The following IGF1 variants were observed in gnomAD, a reference collection of about 807,000 sequenced individuals.
IGF1 encodes insulin-like growth factor 1.
IGF1 carries 4 observed loss-of-function variants against 13.8 expected under a neutral mutation model. That is an observed-to-expected ratio of 0.29 (90% CI 0.14 to 0.66). IGF1 has a LOEUF of 0.66. IGF1 is among the 30% of genes least tolerant of loss of function. The pLI is 0.78. For missense variants in IGF1, 124 were observed against 188.5 expected (o/e 0.66, Z 2.00); for synonymous variants, 76 against 72.6 (o/e 1.05, Z -0.23).
At chr12:102,411,990 G>A (rs559018587) in intron 3 of IGF1, among the ~76,000 whole-genome samples, 24 of 152,170 alleles carry the variant, frequency 1.6e-4, no homozygotes, top group South Asian at 4.1e-4. Context: ...GGTTGTAATG[G>A]GTCAATAATT....
At chr12:102,477,590 A>T (rs936272659) in intron 1 of IGF1, among the ~76,000 whole-genome samples, 4 of 138,680 alleles carry the variant, frequency 2.9e-5, no homozygotes, top group Non-Finnish European at 4.6e-5. Flanking sequence ...CAATATTTCC[A>T]TTGGAAACCT....
chr12:102,411,171 T>C (rs1454957672), intron 3 of IGF1, among the ~76,000 whole-genome samples: 1 of 152,242 alleles, frequency 6.6e-6, no homozygotes, highest in Non-Finnish European at 1.5e-5. Context: ...GTAATTATAC[T>C]ATGCATTTAT....
intron 3 of IGF1, among the ~76,000 whole-genome samples, chr12:102,403,483 G>A (rs1873854280): frequency 6.6e-6 from 1 of 151,472 alleles, no homozygotes; most frequent in East Asian, 1.9e-4. Flanking sequence ...TTTGGACAGG[G>A]TCTCACTCTG....
chr12:102,463,735 T>C (rs1352634452), intron 2 of IGF1, among the ~76,000 whole-genome samples: 1 of 152,242 alleles, frequency 6.6e-6, no homozygotes, highest in East Asian at 1.9e-4. Context: ...ACTGTGGTTA[T>C]GAGCACTACC....
At chr12:102,468,602 A>G (rs1413707255) in intron 2 of IGF1, among the ~76,000 whole-genome samples, 1 of 152,254 alleles carries the variant, frequency 6.6e-6, no homozygotes. Flanking sequence ...ATGTATAGAT[A>G]AAGACAAACA....
intron 3 of IGF1, among the ~76,000 whole-genome samples, chr12:102,405,049 T>C (rs1241426074): frequency 6.6e-6 from 1 of 151,410 alleles, no homozygotes; most frequent in Non-Finnish European, 1.5e-5. Flanking sequence ...AAGCTAAATG[T>C]GTGTTCTTAA....
intron 1 of IGF1, among the ~76,000 whole-genome samples, chr12:102,478,276 T>C (rs1409329178): frequency 2.9e-5 from 4 of 136,578 alleles, no homozygotes; most frequent in African/African-American, 1.1e-4. Context: ...AAAGATATGA[T>C]AGAAAAAAAA....
At chr12:102,466,205 C>T (rs1399516700) in intron 2 of IGF1, among the ~76,000 whole-genome samples, 1 of 152,162 alleles carries the variant, frequency 6.6e-6, no homozygotes, top group Non-Finnish European at 1.5e-5. Context: ...ACCACAATGA[C>T]TCTTCTCATG....
Position 102,400,405 on chromosome 12 carries a change from T to C in IGF1, c.*2102A>G, listed in dbSNP as rs1488645748. On this transcript the variant is annotated 3_prime_UTR_variant, in exon 4 of 4. Coordinates refer to ENST00000337514, the MANE Select transcript of IGF1 (RefSeq NM_000618.5). The stretch of plus-strand genomic sequence containing the variant: ...GGACTAGTACACTAACCAGTGGACT[T>C]TCTTGATACCAATTTTCAGTTGAAT... 6.6e-6 allele frequency: 1 copy of C among 152,140 alleles called. No individual in the cohort carries two copies. The highest frequency in any genetic ancestry group is 1.5e-5 in the Non-Finnish European group (1 of 68,018). The allele number at this position is 152,140 out of a possible 1,614,324, so 9.4% of individuals were successfully genotyped here.
intron 2 of IGF1, among the ~76,000 whole-genome samples, chr12:102,464,190 G>C (rs1880133261): frequency 6.6e-6 from 1 of 151,924 alleles, no homozygotes; most frequent in African/African-American, 2.4e-5. Context: ...TATTGGTGAG[G>C]GTCCAGTAGC....
intron 3 of IGF1, among the ~76,000 whole-genome samples, chr12:102,410,626 T>C (rs1874557046): frequency 6.6e-6 from 1 of 152,228 alleles, no homozygotes; most frequent in Non-Finnish European, 1.5e-5. Flanking sequence ...GTAACTCCTA[T>C]TGCAGTGTTC....
At chr12:102,467,332 A>G (rs1399736096) in intron 2 of IGF1, among the ~76,000 whole-genome samples, 3 of 152,192 alleles carry the variant, frequency 2.0e-5, no homozygotes, top group African/African-American at 7.2e-5. Context: ...CTGCAAAAAA[A>G]TCAGGTGTAA....
rs188803155 is a variant in IGF1 at position 102,436,926 on chromosome 12, G to A, written c.221-17236C>T. On this transcript the variant is annotated intron_variant, in intron 2 of 3. Transcript: ENST00000337514. ...TAAATCCAACAGTGCCCAAAGGCAGGAAATCCATATTGGGAGCACTGGGAG... is the reference window on the plus strand; with the variant it reads ...TAAATCCAACAGTGCCCAAAGGCAGAAAATCCATATTGGGAGCACTGGGAG... 1.6e-4 allele frequency among the ~76,000 whole-genome samples: 24 copies of A among 152,312 alleles called. No homozygotes were observed. In the East Asian group the frequency reaches 3.5e-3, roughly 22 times the overall value.
intron 2 of IGF1, among the ~76,000 whole-genome samples, chr12:102,464,734 T>C (rs1484120266): frequency 6.6e-6 from 1 of 151,976 alleles, no homozygotes; most frequent in African/African-American, 2.4e-5. Context: ...TCAAAGCCAT[T>C]CTCAAACAAA....
intron 2 of IGF1, among the ~76,000 whole-genome samples, chr12:102,440,428 A>G (rs993029745): frequency 5.3e-5 from 8 of 152,330 alleles, no homozygotes; most frequent in South Asian, 2.1e-4. Context: ...TTCAGAGCGA[A>G]TCCAGACCCA....
In IGF1 at chr12:102,443,378, C is replaced by T. The variant is rs187741390; in HGVS notation, c.221-23688G>A. Among the ~76,000 whole-genome samples, 163 of 152,152 alleles carry T rather than the reference C, an allele frequency of 1.1e-3. 3 individuals are homozygous for T. The highest frequency in any genetic ancestry group is 3.3e-3 in the African/African-American group (138 of 41,530). On this transcript the variant is annotated intron_variant, in intron 2 of 3. Transcript: ENST00000337514. ...GCTAGAGCATGGGTATAATGTTGAA[C>T]CTCCAGCAGCCATCTTGGCCCCTGC...
rs1304429204 is a variant in IGF1, at chr12:102,398,257, C to A, written c.*4250G>T. 2 of 152,600 alleles carry A rather than the reference C, an allele frequency of 1.3e-5. No individual in the cohort carries two copies. Among genetic ancestry groups the A allele is most frequent in the Admixed American group, 6.5e-5 (1 of 15,268 alleles). 9.5% of individuals were successfully genotyped at this position (152,600 alleles called of 1,614,324 possible). On this transcript the variant is annotated 3_prime_UTR_variant, in exon 4 of 4. Transcript: ENST00000337514. ...GATCAGTGATTGCTTTTCATGAGAG[C>A]TACTGCTCTTTGAGATGTCTGGGTG...
At chr12:102,440,036 G>T (rs1323235611) in intron 2 of IGF1, among the ~76,000 whole-genome samples, 3 of 152,154 alleles carry the variant, frequency 2.0e-5, no homozygotes, top group Non-Finnish European at 2.9e-5. Flanking sequence ...TGCCTTGGAA[G>T]GCTTAGCTAG....
chr12:102,449,900 G>C (rs768481889), intron 2 of IGF1, among the ~76,000 whole-genome samples: 15 of 152,016 alleles, frequency 9.9e-5, no homozygotes, highest in Non-Finnish European at 1.9e-4. Context: ...ACAAATGTGC[G>C]TAGGTAGAGA....
Sources: gnomAD v4.1 joint callset for allele counts (sites outside exome capture counted in the v4.1 genomes callset) on GRCh38, gnomAD v4.1.1 for gene constraint, MANE v1.5 for transcripts, NCBI Gene and HGNC (gene_info 2026-07-23, HGNC 2026-07-21) for gene names.